OR56A4: variants seen among roughly 807,000 people sequenced by gnomAD.
OR56A4 encodes olfactory receptor family 56 subfamily A member 4, also known as olfactory receptor 56A4.
OR56A4 carries 9 observed loss-of-function variants against 13.6 expected under a neutral mutation model. That is an observed-to-expected ratio of 0.66 (90% CI 0.40 to 1.15). The LOEUF is 1.15. Ranked by LOEUF, OR56A4 falls within the 50% of genes most tolerant of loss-of-function variation. The pLI is 0.01. For missense variants in OR56A4, 380 were observed against 375.9 expected (o/e 1.01, Z -0.09); for synonymous variants, 167 against 153.9 (o/e 1.08, Z -0.63).
intron 2 of OR56A4, among the ~76,000 whole-genome samples, chr11:6,005,285 G>A (rs140307644): frequency 1.9e-4 from 29 of 152,308 alleles, no homozygotes; most frequent in East Asian, 1.7e-3. Flanking sequence ...GTAACATTTC[G>A]TGGGGGAGAA....
In OR56A4 at chr11:6,000,728, T is replaced by C. The variant is rs1848208004; in HGVS notation, c.*1323A>G. ...AAATGATTGAAGAGAGAGAGCAAAA[T>C]GGGAATAAGTAATTTTCAAGAAATA... On this transcript the variant is annotated 3_prime_UTR_variant, in exon 3 of 3. Transcript: ENST00000641156. 1 of 151,970 alleles carries C rather than the reference T, an allele frequency of 6.6e-6. No homozygotes were observed. Among genetic ancestry groups the C allele is most frequent in the African/African-American group, 2.4e-5 (1 of 41,354 alleles). The allele number at this position is 151,970 out of a possible 1,614,324, so 9.4% of individuals were successfully genotyped here. A position where few individuals can be genotyped will look rare whatever the true frequency, so the allele number is the denominator to read the frequency against.
Position 6,002,147 on chromosome 11 carries a change from C to G in OR56A4, c.846G>C (p.Leu282=). 1 of 1,614,124 alleles carries G rather than the reference C, an allele frequency of 6.2e-7. No homozygotes were observed. The highest frequency in any genetic ancestry group is 1.3e-5 in the African/African-American group (1 of 75,036). The change falls in exon 3 of 3, where the codon CTG becomes CTC. Residue 282 remains leucine, a synonymous_variant. Coordinates refer to ENST00000641156, the MANE Select transcript of OR56A4 (RefSeq NM_001005179.4). ...PPDVPILLNI[L]HHLIPPALNP... ...TCAGAGCTGGGGGAATGAGGTGGTG[C>G]AGGATGTTGAGCAGGATGGGGACAT...
Position 6,002,569 on chromosome 11 carries a change from G to C in OR56A4, c.424C>G (p.Gln142Glu). Residue 142 changes from glutamine (Q) to glutamate (E), a missense_variant, in exon 3 of 3, where the codon CAG (glutamine) becomes GAG (glutamate). Physicochemically the swap from Gln to Glu is conservative, Grantham distance 29. Transcript: ENST00000641156. ...AAGACCACGGCCCTAGCCACAAACTGGTCAGTGATGATAGACGGGTATCTC... is the reference window on the plus strand; with the variant it reads ...AAGACCACGGCCCTAGCCACAAACTCGTCAGTGATGATAGACGGGTATCTC... Reference protein sequence around the residue: ...PLRYPSIITDQFVARAVVFVI... With the variant: ...PLRYPSIITDEFVARAVVFVI... The C allele has an allele frequency of 1.2e-6, 2 of 1,614,204 alleles. No homozygotes were observed. The highest frequency in any genetic ancestry group is 1.1e-5 in the South Asian group (1 of 91,080).
chr11:6,006,898 G>T lies in OR56A4; in HGVS notation c.-192+20C>A, dbSNP rs917756466. ...GCATCCTCTTCCTCATAATTTCCTT[G>T]GCCCCACCTTGAGACTCACCAAATT... On this transcript the variant is annotated intron_variant, in intron 1 of 2. Coordinates refer to ENST00000641156, the MANE Select transcript of OR56A4 (RefSeq NM_001005179.4). 2 of 152,352 alleles carry T rather than the reference G, an allele frequency of 1.3e-5. No individual in the cohort carries two copies. Among genetic ancestry groups the T allele is most frequent in the Admixed American group, 6.5e-5 (1 of 15,268 alleles). 9.4% of individuals were successfully genotyped at this position (152,352 alleles called of 1,614,324 possible).
chr11:6,002,896 G>A lies in OR56A4; in HGVS notation c.97C>T (p.Pro33Ser), dbSNP rs200362281. ...FQSWQHWLSL[P>S]LSLLFLLAMG... ...GCCAGGAGGAAGAGAAGGCTGAGGG[G>A]CAGAGACAACCAGTGCTGCCAGCTC... is the stretch of plus-strand genomic sequence containing the variant. Residue 33 changes from proline (P) to serine (S), a missense_variant, in exon 3 of 3, where the codon CCC (proline) becomes TCC (serine). Coordinates refer to ENST00000641156, the MANE Select transcript of OR56A4 (RefSeq NM_001005179.4). The A allele has an allele frequency of 2.5e-6, 4 of 1,613,994 alleles. No homozygotes were observed. In the African/African-American group the frequency reaches 5.3e-5, roughly 22 times the overall value.
rs1234259386 is a variant in OR56A4 at position 6,002,271 on chromosome 11, A to G, written c.722T>C (p.Leu241Ser). The change falls in exon 3 of 3, where the codon TTG becomes TCG. Residue 241 changes from leucine (L) to serine (S), a missense_variant. Leu to Ser is a moderately radical substitution (Grantham distance 145). Transcript: ENST00000641156. ...GATGAAGTGGGAACCACACGTGCTC[A>G]AGGCCTTGGCCACAGCACCCTCGGC... Reference protein sequence around the residue: ...IKAEGAVAKALSTCGSHFILI... With the variant: ...IKAEGAVAKASSTCGSHFILI... 4.3e-6 allele frequency: 7 copies of G among 1,614,114 alleles called. No individual in the cohort carries two copies. Among genetic ancestry groups the G allele is most frequent in the Non-Finnish European group, 8.5e-7 (1 of 1,180,034 alleles).
intron 2 of OR56A4, among the ~76,000 whole-genome samples, chr11:6,005,891 C>G (rs113739138): frequency 2.6e-5 from 4 of 152,282 alleles, no homozygotes; most frequent in African/African-American, 9.6e-5. Context: ...GTTAGGATTT[C>G]AACATATGAA....
chr11:6,002,038 A>C lies in OR56A4; in HGVS notation c.*13T>G, dbSNP rs777975396. On this transcript the variant is annotated 3_prime_UTR_variant, in exon 3 of 3. Coordinates refer to ENST00000641156, the MANE Select transcript of OR56A4 (RefSeq NM_001005179.4). Reference sequence around the variant, plus strand: ...ATTAACAACTCTAAAGGTGGATCTAATCCTTTTTATTCTTACAACCTCTTC... The same window carrying C: ...ATTAACAACTCTAAAGGTGGATCTACTCCTTTTTATTCTTACAACCTCTTC... 1 of 1,542,036 alleles carries C rather than the reference A, an allele frequency of 6.5e-7. No individual in the cohort carries two copies. The highest frequency in any genetic ancestry group is 1.8e-4 in the Middle Eastern group (1 of 5,692).
chr11:6,004,663 A>T (rs1311637545), intron 2 of OR56A4, among the ~76,000 whole-genome samples: 1 of 152,220 alleles, frequency 6.6e-6, no homozygotes, highest in Non-Finnish European at 1.5e-5. Context: ...AATAGGCACA[A>T]TTATGCATCA....
In OR56A4 at chr11:6,000,200, C is replaced by T. The variant is rs1848204213; in HGVS notation, c.*1851G>A. 6.6e-6 allele frequency: 1 copy of T among 152,208 alleles called. No individual in the cohort carries two copies. Among genetic ancestry groups the T allele is most frequent in the Admixed American group, 6.5e-5 (1 of 15,282 alleles). The allele number at this position is 152,208 out of a possible 1,614,324, so 9.4% of individuals were successfully genotyped here. A position where few individuals can be genotyped will look rare whatever the true frequency, so the allele number is the denominator to read the frequency against. ...GCGGCACCATTCACAATAGCAAAGA[C>T]TTGGAACCAAGCCAAATGTCCAACA... On this transcript the variant is annotated 3_prime_UTR_variant, in exon 3 of 3. Coordinates refer to ENST00000641156, the MANE Select transcript of OR56A4 (RefSeq NM_001005179.4).
chr11:6,004,301 C>T (rs1848240571), intron 2 of OR56A4, among the ~76,000 whole-genome samples: 1 of 152,020 alleles, frequency 6.6e-6, no homozygotes, highest in Non-Finnish European at 1.5e-5. Context: ...TTGCAGTGAG[C>T]CGAGATCACG....
At chr11:6,003,633 G>GA (rs1223097190) in intron 2 of OR56A4, among the ~76,000 whole-genome samples, 1 of 152,130 alleles carries the variant, frequency 6.6e-6, no homozygotes, top group South Asian at 2.1e-4. Flanking sequence ...AGAGTACCTA[G>GA]AAAAAACTCA....
chr11:6,005,954 G>C (rs543721254), intron 2 of OR56A4, among the ~76,000 whole-genome samples: 1 of 152,324 alleles, frequency 6.6e-6, no homozygotes, highest in East Asian at 1.9e-4. Flanking sequence ...AAGGCGAATC[G>C]TGGAAGGTAG....
chr11:6,005,580 T>C (rs1370316352), intron 2 of OR56A4, among the ~76,000 whole-genome samples: 1 of 152,220 alleles, frequency 6.6e-6, no homozygotes, highest in African/African-American at 2.4e-5. Flanking sequence ...TAGACCACTT[T>C]AACCGCTAAA....
rs1234064082 is a variant in OR56A4 at position 6,001,313 on chromosome 11, C to CATA, written c.*735_*737dup. The CATA allele has an allele frequency of 6.6e-6, 1 of 152,202 alleles. No homozygotes were observed. The highest frequency in any genetic ancestry group is 6.6e-5 in the Admixed American group (1 of 15,264). 9.4% of individuals were successfully genotyped at this position (152,202 alleles called of 1,614,324 possible). A position where few individuals can be genotyped will look rare whatever the true frequency, so the allele number is the denominator to read the frequency against. On this transcript the variant is annotated 3_prime_UTR_variant, in exon 3 of 3. Transcript: ENST00000641156. ...AAGATGAAGATGATGAAGAAAAGAA[C>CATA]ATACAGCACTTCAAACAGTACAACT...
chr11:6,003,547 TCA>T (rs1848234788), intron 2 of OR56A4, among the ~76,000 whole-genome samples: 1 of 152,140 alleles, frequency 6.6e-6, no homozygotes, highest in Non-Finnish European at 1.5e-5. Flanking sequence ...CAGGGAGCAC[TCA>T]CACACACAAC....
At position 6,002,619 on chromosome 11, in the gene OR56A4, C is replaced by A; in HGVS notation, c.374G>T (p.Arg125Leu). The change falls in exon 3 of 3, where the codon CGT becomes CTT. Residue 125 changes from arginine to leucine, a missense_variant. Physicochemically the swap from Arg to Leu is moderately radical, Grantham distance 102. Transcript: ENST00000641156. Reference protein sequence around the residue: ...SCTFMVMAYDRYVAICHPLRY... With the variant: ...SCTFMVMAYDLYVAICHPLRY... ...CAATGGATGGCAGATGGCCACATAA[C>A]GGTCATAGGCCATGACCATGAACGT... 1 of 1,614,168 alleles carries A rather than the reference C, an allele frequency of 6.2e-7. No individual in the cohort carries two copies. The highest frequency in any genetic ancestry group is 8.5e-7 in the Non-Finnish European group (1 of 1,179,986).
chr11:6,003,349 A>G lies in OR56A4; in HGVS notation c.-36-321T>C, dbSNP rs571254748. Reference sequence around the variant, plus strand: ...AGTTTAAAAACCAGCAATCACAAGTATCATTTATTGTTGTGCGTTTATATG... The same window carrying G: ...AGTTTAAAAACCAGCAATCACAAGTGTCATTTATTGTTGTGCGTTTATATG... On this transcript the variant is annotated intron_variant, in intron 2 of 2. Coordinates refer to ENST00000641156, the MANE Select transcript of OR56A4 (RefSeq NM_001005179.4). 2.0e-5 allele frequency among the ~76,000 whole-genome samples: 3 copies of G among 152,338 alleles called. No individual in the cohort carries two copies. The South Asian group carries it at 6.2e-4, about 32-fold the overall frequency.
At position 6,002,542 on chromosome 11, in the gene OR56A4, C is replaced by T. The variant is rs1590470879; in HGVS notation, c.451G>A (p.Val151Ile). The change falls in exon 3 of 3, where the codon GTT (valine) becomes ATT (isoleucine). Residue 151 changes from valine (V) to isoleucine (I), a missense_variant. Transcript: ENST00000641156. Reference protein sequence around the residue: ...DQFVARAVVFVIARNAFVSLP... With the variant: ...DQFVARAVVFIIARNAFVSLP... ...GAAACAAAGGCATTCCGGGCTATAA[C>T]AAAGACCACGGCCCTAGCCACAAAC... The T allele has an allele frequency of 6.2e-7, 1 of 1,614,204 alleles. No individual in the cohort carries two copies. The highest frequency in any genetic ancestry group is 1.3e-5 in the African/African-American group (1 of 75,042).
Sources: allele counts gnomAD v4.1 joint callset (sites outside exome capture counted in the v4.1 genomes callset), GRCh38; gene constraint gnomAD v4.1.1; transcripts MANE v1.5; gene names NCBI Gene and HGNC (gene_info 2026-07-23, HGNC 2026-07-21).